The following ZNF487 variants were observed in gnomAD, a reference collection of about 807,000 sequenced individuals.
The protein encoded by ZNF487 is zinc finger protein 487, also known as KRAB domain only 1.
ZNF487 carries 4 observed loss-of-function variants against 3.0 expected under a neutral mutation model. The ratio of observed to expected loss-of-function variants is 1.35; its 90% CI spans 0.66 to 3.08. The LOEUF (loss-of-function observed/expected upper bound fraction) is 3.08, where lower values mean the gene tolerates loss of function less well. Ranked by LOEUF, ZNF487 falls within the 30% of genes most tolerant of loss-of-function variation. The pLI, the probability that ZNF487 is intolerant of heterozygous loss-of-function variation, is 0.01. For missense variants in ZNF487, 146 were observed against 98.7 expected (o/e 1.48, Z -2.03); for synonymous variants, 55 against 34.6 (o/e 1.59, Z -2.06).
chr10:43,495,793 C>A, the ZNF487 span, among the ~76,000 whole-genome samples: 1 of 152,058 alleles, frequency 6.6e-6, no homozygotes, highest in Admixed American at 6.6e-5. Context: ...CATTGGGGAA[C>A]TTTAGATTTT....
chr10:43,491,657 G>A, the ZNF487 span, among the ~76,000 whole-genome samples: 1 of 151,602 alleles, frequency 6.6e-6, no homozygotes, highest in Admixed American at 6.6e-5. Context: ...TTTGCAAATG[G>A]CACCTGGATT....
At chr10:43,510,866 G>A in the ZNF487 span, among the ~76,000 whole-genome samples, 4 of 152,136 alleles carry the variant, frequency 2.6e-5, no homozygotes, top group Non-Finnish European at 4.4e-5. Context: ...CTTCTTAGCC[G>A]GTTCACTTAA....
chr10:43,455,378 G>C (rs543787727), intron 1 of ZNF487, among the ~76,000 whole-genome samples: 1 of 152,328 alleles, frequency 6.6e-6, no homozygotes, highest in Admixed American at 6.5e-5. Flanking sequence ...TGAGAAGCGA[G>C]CACCATCCCA....
At chr10:43,474,644 G>A (rs756299670) in intron 1 of ZNF487, among the ~76,000 whole-genome samples, 9 of 151,480 alleles carry the variant, frequency 5.9e-5, no homozygotes, top group South Asian at 2.1e-4. Context: ...GTGAAGTGGC[G>A]TGATCTTGGC....
the ZNF487 span, among the ~76,000 whole-genome samples, chr10:43,519,205 C>T: frequency 4.7e-4 from 72 of 151,964 alleles, no homozygotes; most frequent in African/African-American, 1.7e-3. Flanking sequence ...TGTGAGCCAC[C>T]ATACATTATC....
chr10:43,466,699 C>A (rs1329914366), intron 1 of ZNF487, among the ~76,000 whole-genome samples: 1 of 152,184 alleles, frequency 6.6e-6, no homozygotes, highest in Non-Finnish European at 1.5e-5. Flanking sequence ...CCATGCCCAG[C>A]TGGTTTACTG....
chr10:43,501,699 G>A, the ZNF487 span, among the ~76,000 whole-genome samples: 1 of 151,752 alleles, frequency 6.6e-6, no homozygotes, highest in Admixed American at 6.6e-5. Context: ...CTGAGATAGT[G>A]CCACTGCATT....
rs762029317 is a variant in ZNF487 at position 43,475,794 on chromosome 10, G to A, written c.-20G>A. On this transcript the variant is annotated 5_prime_UTR_variant, in exon 2 of 4. Coordinates refer to ENST00000437590, the MANE Select transcript of ZNF487 (RefSeq NM_001355444.3). Reference sequence around the variant, plus strand: ...TGGCAGCATCTGGACTCTGCTCAGAGGACCCCGTACAGAGACATGATGCTG... The same window carrying A: ...TGGCAGCATCTGGACTCTGCTCAGAAGACCCCGTACAGAGACATGATGCTG... 72 of 780,702 alleles carry A rather than the reference G, an allele frequency of 9.2e-5. No homozygotes were observed. The highest frequency in any genetic ancestry group is 1.6e-4 in the Non-Finnish European group (65 of 418,066). 48.4% of individuals were successfully genotyped at this position (780,702 alleles called of 1,614,324 possible).
At chr10:43,515,866 C>A in the ZNF487 span, among the ~76,000 whole-genome samples, 1 of 152,098 alleles carries the variant, frequency 6.6e-6, no homozygotes, top group African/African-American at 2.4e-5. Context: ...CCTCTGCCTC[C>A]AGGGTTCAAG....
chr10:43,444,327 C>T (rs1337382865), intron 1 of ZNF487, among the ~76,000 whole-genome samples: 2 of 152,084 alleles, frequency 1.3e-5, no homozygotes, highest in East Asian at 1.9e-4. Context: ...AGCACTGTGT[C>T]GTTCTTTGAG....
chr10:43,519,603 G>T, the ZNF487 span, among the ~76,000 whole-genome samples: 63,926 of 151,756 alleles, frequency 0.42, 14,318 homozygotes, highest in East Asian at 0.59. Flanking sequence ...AAGCAGCTGG[G>T]ACTACAGGTG....
At chr10:43,469,070 A>G (rs917236781) in intron 1 of ZNF487, among the ~76,000 whole-genome samples, 4 of 151,848 alleles carry the variant, frequency 2.6e-5, no homozygotes, top group Non-Finnish European at 5.9e-5. Context: ...TTTTATTTTA[A>G]GAAATTGCAC....
At chr10:43,443,943 C>T (rs1258614124) in intron 1 of ZNF487, among the ~76,000 whole-genome samples, 4 of 151,366 alleles carry the variant, frequency 2.6e-5, no homozygotes, top group Non-Finnish European at 5.9e-5. Flanking sequence ...ACCTCTGCCT[C>T]CCGGGTTCAA....
At chr10:43,495,909 A>G in the ZNF487 span, 1 of 436,024 alleles carries the variant, frequency 2.3e-6, no homozygotes, top group East Asian at 7.0e-5. Flanking sequence ...GCTGTGTGAC[A>G]TTTTTTCTTT....
the ZNF487 span, among the ~76,000 whole-genome samples, chr10:43,491,456 C>T: frequency 6.6e-6 from 1 of 151,736 alleles, no homozygotes; most frequent in East Asian, 1.9e-4. Flanking sequence ...GTTTCAGCAG[C>T]CACCAACATG....
the ZNF487 span, among the ~76,000 whole-genome samples, chr10:43,508,381 C>T: frequency 6.6e-6 from 1 of 152,178 alleles, no homozygotes; most frequent in African/African-American, 2.4e-5. Context: ...CTCCAAGATA[C>T]CACATGGTCA....
chr10:43,499,285 C>T, the ZNF487 span, among the ~76,000 whole-genome samples: 1 of 150,696 alleles, frequency 6.6e-6, no homozygotes, highest in Non-Finnish European at 1.5e-5. Context: ...TGTGGAACAC[C>T]TAAAAGCTGC....
the ZNF487 span, among the ~76,000 whole-genome samples, chr10:43,495,434 G>T: frequency 1.3e-5 from 2 of 152,004 alleles, no homozygotes; most frequent in Non-Finnish European, 2.9e-5. Flanking sequence ...AGTAGAGATG[G>T]GGTTTCACCA....
chr10:43,453,705 C>G (rs1427813786), intron 1 of ZNF487: 1 of 152,182 alleles, frequency 6.6e-6, no homozygotes, highest in Non-Finnish European at 1.5e-5. Flanking sequence ...GGTTACTGAT[C>G]ATGACATGCA....
Sources: allele counts gnomAD v4.1 joint callset (sites outside exome capture counted in the v4.1 genomes callset), GRCh38; gene constraint gnomAD v4.1.1; transcripts MANE v1.5; gene names NCBI Gene and HGNC (gene_info 2026-07-23, HGNC 2026-07-21).